Variants in AFF2 observed in about 807,000 individuals in gnomAD.
The protein encoded by AFF2 is ALF transcription elongation factor 2.
In AFF2, 14 loss-of-function variants were observed where a neutral mutation model predicts 76.9. That is an observed-to-expected ratio of 0.18 (90% CI 0.12 to 0.28). The LOEUF (loss-of-function observed/expected upper bound fraction) is 0.28, where lower values mean the gene tolerates loss of function less well. Ranked by LOEUF, AFF2 falls within the 10% of genes least tolerant of loss-of-function variation. AFF2 has a pLI of 1.00. For missense variants in AFF2, 868 were observed against 1,001.1 expected, an observed-to-expected ratio of 0.87 and a Z score of 1.79; for synonymous variants, 398 against 366.7, an observed-to-expected ratio of 1.09 and a Z score of -0.98.
chrX:148,714,630 A>T (rs1331706737), intron 3 of AFF2, among the ~76,000 whole-genome samples: 6 of 111,510 alleles, frequency 5.4e-5, no homozygotes, highest in African/African-American at 2.0e-4. Flanking sequence ...TTGAACAAGT[A>T]TATACCATGG....
At position 148,790,566 on chromosome X, in the gene AFF2, T is replaced by C. The variant is rs782006891; in HGVS notation, c.1042-19310T>C. Among the ~76,000 whole-genome samples, 5 of 110,717 alleles carry C rather than the reference T, an allele frequency of 4.5e-5. No homozygotes were observed. In the East Asian group the frequency reaches 1.4e-3, roughly 32 times the overall value. On this transcript the variant is annotated intron_variant, in intron 3 of 20. Transcript: ENST00000370460. ...ACATGGATGGAGTTGGAAGCCATTA[T>C]CCTCTGCAAAGTAACACAGGAACAG...
At chrX:148,832,793 C>T (rs1788672453) in intron 4 of AFF2, among the ~76,000 whole-genome samples, 1 of 111,779 alleles carries the variant, frequency 8.9e-6, no homozygotes, top group Admixed American at 9.5e-5. Context: ...CCAGAATGGA[C>T]AAGCAACTTG....
chrX:148,725,831 G>T (rs972721644), intron 3 of AFF2, among the ~76,000 whole-genome samples: 1 of 112,173 alleles, frequency 8.9e-6, no homozygotes, highest in Non-Finnish European at 1.9e-5. Context: ...ACTTTAGTTT[G>T]CAGTCCTGGC....
At chrX:148,959,757 A>G (rs1234687618) in intron 12 of AFF2, among the ~76,000 whole-genome samples, 5 of 112,394 alleles carry the variant, frequency 4.4e-5, no homozygotes, top group African/African-American at 1.6e-4. Context: ...CCTTCACCTC[A>G]GGGTAGACCA....
At chrX:148,627,621 G>A (rs1332457687) in intron 1 of AFF2, among the ~76,000 whole-genome samples, 1 of 112,189 alleles carries the variant, frequency 8.9e-6, no homozygotes, top group Non-Finnish European at 1.9e-5. Context: ...ACTGGATTCT[G>A]AAGGTAAAAT....
At chrX:148,573,874 C>T (rs2053257438) in intron 1 of AFF2, among the ~76,000 whole-genome samples, 1 of 111,016 alleles carries the variant, frequency 9.0e-6, no homozygotes, top group African/African-American at 3.3e-5. Flanking sequence ...GGTCATGTTC[C>T]GATGTGACAA....
At chrX:148,526,432 A>AGCTGG (rs1276829262) in intron 1 of AFF2, among the ~76,000 whole-genome samples, 1 of 86,499 alleles carries the variant, frequency 1.2e-5, no homozygotes, top group African/African-American at 4.6e-5. Context: ...AGCTGTTTCT[A>AGCTGG]GCTGGCTCCT....
chrX:148,845,659 C>A (rs1168090129), intron 7 of AFF2, among the ~76,000 whole-genome samples: 1 of 112,292 alleles, frequency 8.9e-6, no homozygotes, highest in Non-Finnish European at 1.9e-5. Flanking sequence ...CTATCATTCT[C>A]CCACATTTAA....
chrX:148,732,423 G>T (rs241101), intron 3 of AFF2, among the ~76,000 whole-genome samples: 2 of 70,011 alleles, frequency 2.9e-5, no homozygotes, highest in Admixed American at 1.7e-4. Context: ...TGGGGACTGT[G>T]GTGGGGTGGG....
At chrX:148,581,281 T>TGTACACAC (rs1569551630) in intron 1 of AFF2, among the ~76,000 whole-genome samples, 11 of 229 alleles carry the variant, frequency 0.048, no homozygotes, top group Admixed American at 0.25. Context: ...CATATACACG[T>TGTACACAC]ATATACGTAT....
At chrX:148,624,871 T>C (rs1557251801) in intron 1 of AFF2, among the ~76,000 whole-genome samples, 1 of 112,005 alleles carries the variant, frequency 8.9e-6, no homozygotes, top group African/African-American at 3.2e-5. Flanking sequence ...AAGAATGGAG[T>C]TATAACAATT....
At chrX:148,880,058 G>A (rs1010174986) in intron 7 of AFF2, among the ~76,000 whole-genome samples, 1 of 112,183 alleles carries the variant, frequency 8.9e-6, no homozygotes, top group Non-Finnish European at 1.9e-5. Flanking sequence ...CTGGGCTAGG[G>A]GTCCACCCCT....
At chrX:148,860,579 A>G (rs1221771362) in intron 7 of AFF2, among the ~76,000 whole-genome samples, 2 of 112,135 alleles carry the variant, frequency 1.8e-5, no homozygotes, top group Non-Finnish European at 3.8e-5. Flanking sequence ...TCCAGAAACT[A>G]TAAGCACATC....
intron 1 of AFF2, among the ~76,000 whole-genome samples, chrX:148,557,840 C>T (rs999883673): frequency 1.8e-5 from 2 of 112,002 alleles, no homozygotes; most frequent in African/African-American, 6.5e-5. Flanking sequence ...GTGTGTTTCC[C>T]GTGCTTTAAC....
At chrX:148,765,182 G>T (rs140550337) in intron 3 of AFF2, among the ~76,000 whole-genome samples, 257 of 111,574 alleles carry the variant, frequency 2.3e-3, no homozygotes, top group African/African-American at 7.9e-3. Context: ...CACCATGCCC[G>T]GCCAATCTTA....
At chrX:148,827,488 G>T (rs1569555982) in intron 4 of AFF2, among the ~76,000 whole-genome samples, 1 of 111,745 alleles carries the variant, frequency 8.9e-6, no homozygotes, top group East Asian at 2.8e-4. Context: ...CCCTTTGCCT[G>T]GAGTTGTCAT....
intron 9 of AFF2, among the ~76,000 whole-genome samples, chrX:148,912,845 G>A (rs1353119135): frequency 9.0e-6 from 1 of 111,371 alleles, no homozygotes; most frequent in Non-Finnish European, 1.9e-5. Flanking sequence ...GTAGTCCCCA[G>A]TGAGCTTCAT....
intron 3 of AFF2, among the ~76,000 whole-genome samples, chrX:148,803,182 T>C (rs1459069148): frequency 3.6e-5 from 4 of 111,318 alleles, no homozygotes; most frequent in Non-Finnish European, 7.5e-5. Context: ...ATCTGAGGAT[T>C]GTAGGGCAGG....
intron 9 of AFF2, among the ~76,000 whole-genome samples, chrX:148,927,372 C>G (rs1402153893): frequency 1.8e-5 from 2 of 111,196 alleles, no homozygotes; most frequent in African/African-American, 6.5e-5. Flanking sequence ...TCATTCCTCC[C>G]TGTTTTCTTC....
Sources: gnomAD v4.1 joint callset for allele counts (sites outside exome capture counted in the v4.1 genomes callset) on GRCh38, gnomAD v4.1.1 for gene constraint, MANE v1.5 for transcripts, NCBI Gene and HGNC (gene_info 2026-07-23, HGNC 2026-07-21) for gene names.